The following SKAP2 variants were observed in gnomAD, a reference collection of about 807,000 sequenced individuals.
SKAP2 encodes src kinase-associated phosphoprotein 2.
In SKAP2, 28 loss-of-function variants were observed where a neutral mutation model predicts 54.9. The ratio of observed to expected loss-of-function variants is 0.51; its 90% CI spans 0.38 to 0.70. The LOEUF (loss-of-function observed/expected upper bound fraction) is 0.70. Ranked by LOEUF, SKAP2 falls within the 30% of genes least tolerant of loss-of-function variation. SKAP2 has a pLI of 0.00. For synonymous variants in SKAP2, 137 were observed against 134.3 expected, an observed-to-expected ratio of 1.02 and a Z score of -0.14; for missense variants, 356 against 424.1, an observed-to-expected ratio of 0.84 and a Z score of 1.41.
chr7:26,811,961 A>C (rs1784155440), intron 4 of SKAP2, among the ~76,000 whole-genome samples: 1 of 152,246 alleles, frequency 6.6e-6, no homozygotes. Context: ...ATATAACATT[A>C]AAGTCACATC....
chr7:26,825,580 T>TAAAAAAAAAAAA (rs3069884), intron 4 of SKAP2, among the ~76,000 whole-genome samples: 1 of 129,094 alleles, frequency 7.7e-6, no homozygotes. Context: ...AGCAAACAGT[T>TAAAAAAAAAAAA]AAAAAAAAAA....
intron 4 of SKAP2, among the ~76,000 whole-genome samples, chr7:26,750,069 G>A (rs1782648016): frequency 6.6e-6 from 1 of 151,834 alleles, no homozygotes; most frequent in South Asian, 2.1e-4. Context: ...AATAAGTGGA[G>A]CAAGGACCTT....
chr7:26,772,756 T>C (rs988808848), intron 4 of SKAP2, among the ~76,000 whole-genome samples: 10 of 152,210 alleles, frequency 6.6e-5, no homozygotes, highest in African/African-American at 1.2e-4. Flanking sequence ...TCCACGTGTG[T>C]GTTTGTTTTG....
At chr7:26,701,591 G>A (rs931610674) in intron 9 of SKAP2, among the ~76,000 whole-genome samples, 3 of 152,068 alleles carry the variant, frequency 2.0e-5, no homozygotes, top group African/African-American at 7.2e-5. Context: ...AAATTAGCCA[G>A]GTGTGGTGGT....
chr7:26,731,142 A>G (rs964544635), intron 6 of SKAP2, among the ~76,000 whole-genome samples: 1 of 152,172 alleles, frequency 6.6e-6, no homozygotes, highest in Non-Finnish European at 1.5e-5. Context: ...TTCTCAAAGT[A>G]TATTTTAAGA....
At chr7:26,780,799 T>G (rs111655087) in intron 4 of SKAP2, among the ~76,000 whole-genome samples, 7 of 152,090 alleles carry the variant, frequency 4.6e-5, no homozygotes, top group Non-Finnish European at 8.8e-5. Context: ...AAAGCAAAAT[T>G]TATTTTCACA....
At chr7:26,657,234 TA>T in the SKAP2 span, among the ~76,000 whole-genome samples, 1 of 152,200 alleles carries the variant, frequency 6.6e-6, no homozygotes, top group African/African-American at 2.4e-5. Flanking sequence ...AAGCACCATC[TA>T]AGTGTTTTTC....
intron 4 of SKAP2, among the ~76,000 whole-genome samples, chr7:26,813,988 A>C (rs1174644051): frequency 1.3e-5 from 2 of 152,190 alleles, no homozygotes; most frequent in African/African-American, 4.8e-5. Flanking sequence ...GCAAATTCTC[A>C]TGAGCTGGCA....
intron 3 of SKAP2, among the ~76,000 whole-genome samples, chr7:26,846,678 C>T (rs553490564): frequency 1.2e-4 from 19 of 152,228 alleles, no homozygotes; most frequent in African/African-American, 3.6e-4. Flanking sequence ...GTCATGGTTT[C>T]GGTTTTTATT....
intron 4 of SKAP2, among the ~76,000 whole-genome samples, chr7:26,809,023 G>A (rs1244630211): frequency 1.3e-5 from 2 of 152,180 alleles, no homozygotes; most frequent in African/African-American, 4.8e-5. Flanking sequence ...TATGGAATAG[G>A]AGAAAATATT....
downstream of SKAP2, among the ~76,000 whole-genome samples, chr7:26,664,122 C>T (rs1006148415): frequency 2.0e-5 from 3 of 152,292 alleles, no homozygotes; most frequent in South Asian, 4.1e-4. Flanking sequence ...CATCACAGTA[C>T]TGCGCAGCAG....
Position 26,667,080 on chromosome 7 carries a change from T to C in SKAP2, c.*2586A>G, listed in dbSNP as rs1173549062. ...AGCATCATAACAGTTTGCAAACAAT[T>C]AAACTTTATTTGAACCTTAAAAATT... On this transcript the variant is annotated 3_prime_UTR_variant, in exon 13 of 13. Transcript: ENST00000345317. The C allele has an allele frequency of 6.6e-6, 1 of 152,164 alleles. No individual in the cohort carries two copies. Among genetic ancestry groups the C allele is most frequent in the African/African-American group, 2.4e-5 (1 of 41,432 alleles). 9.4% of individuals were successfully genotyped at this position (152,164 alleles called of 1,614,324 possible).
intron 6 of SKAP2, among the ~76,000 whole-genome samples, chr7:26,733,443 G>T (rs1787861823): frequency 6.6e-6 from 1 of 151,704 alleles, no homozygotes; most frequent in African/African-American, 2.4e-5. Flanking sequence ...AGCTTTTATG[G>T]CTTTCTATTA....
intron 4 of SKAP2, among the ~76,000 whole-genome samples, chr7:26,769,876 G>A (rs997826464): frequency 6.6e-6 from 1 of 152,132 alleles, no homozygotes; most frequent in Non-Finnish European, 1.5e-5. Flanking sequence ...TGTCCCATAT[G>A]AGGTGTCTGT....
intron 6 of SKAP2, among the ~76,000 whole-genome samples, chr7:26,736,427 T>C (rs1429463906): frequency 3.5e-5 from 3 of 84,610 alleles, no homozygotes; most frequent in Admixed American, 1.2e-4. Flanking sequence ...TTACCCTATA[T>C]GGCTTAAAAA....
At chr7:26,688,067 C>A (rs1786687407) in intron 10 of SKAP2, among the ~76,000 whole-genome samples, 1 of 151,892 alleles carries the variant, frequency 6.6e-6, no homozygotes, top group East Asian at 1.9e-4. Context: ...TAAAAACATA[C>A]AAGAAGAGAT....
chr7:26,843,955 C>T (rs1299112716), intron 4 of SKAP2, 75 bp downstream of exon 4: 1 of 916,144 alleles, frequency 1.1e-6, no homozygotes, highest in Non-Finnish European at 1.7e-6. Context: ...CATCTGCTTT[C>T]TCATAAAACT....
chr7:26,829,927 T>C (rs1784566091), intron 4 of SKAP2, among the ~76,000 whole-genome samples: 1 of 152,102 alleles, frequency 6.6e-6, no homozygotes, highest in Non-Finnish European at 1.5e-5. Flanking sequence ...TGAAAAAATA[T>C]ATTAACACAA....
At chr7:26,845,178 G>C (rs1412801306) in intron 3 of SKAP2, among the ~76,000 whole-genome samples, 2 of 152,134 alleles carry the variant, frequency 1.3e-5, no homozygotes, top group Non-Finnish European at 2.9e-5. Context: ...AGTGCCTATA[G>C]TATTACTTTT....
Sources: gnomAD v4.1 joint callset for allele counts (sites outside exome capture counted in the v4.1 genomes callset) on GRCh38, gnomAD v4.1.1 for gene constraint, MANE v1.5 for transcripts, NCBI Gene and HGNC (gene_info 2026-07-23, HGNC 2026-07-21) for gene names.